DNAH8: variants seen among roughly 807,000 people sequenced by gnomAD.
DNAH8 encodes dynein axonemal heavy chain 8.
In DNAH8, 382 loss-of-function variants were observed where a neutral mutation model predicts 562.1. The observed-to-expected ratio is 0.68, with a 90% CI of 0.63 to 0.74. The LOEUF (loss-of-function observed/expected upper bound fraction) is 0.74. DNAH8 is among the 30% of genes least tolerant of loss of function. DNAH8 has a pLI of 0.00. For synonymous variants in DNAH8, 1,881 were observed against 1,919.4 expected (o/e 0.98, Z 0.52); for missense variants, 5,203 against 5,620.4 (o/e 0.93, Z 2.37).
Position 38,935,695 on chromosome 6 carries a change from A to G in DNAH8, c.11561A>G (p.Lys3854Arg). 2.5e-6 allele frequency: 4 copies of G among 1,597,368 alleles called. No homozygotes were observed. The highest frequency in any genetic ancestry group is 3.4e-6 in the Non-Finnish European group (4 of 1,168,076). Residue 3854 changes from lysine to arginine, a missense_variant and splice_region_variant, in exon 77 of 93, where the codon AAA becomes AGA. Physicochemically the swap from Lys to Arg is conservative, Grantham distance 26 (BLOSUM62 2). Around this residue, in one of 6 missense-constraint regions of DNAH8, gnomAD observed 1,399 missense variants for 1,518.4 expected, o/e 0.92. Coordinates refer to ENST00000327475, the MANE Select transcript of DNAH8 (RefSeq NM_001206927.2). ...CTCCTCTATAAATTAAGTGCTACAA[A>G]AGGTATTGTGTTATTAAGAAGTAAT... ...DNLLYKLSAT[K>R]GSLVDDESLI... is the part of the protein sequence containing the mutation.
At chr6:38,733,005 C>A (rs1161785974) in intron 4 of DNAH8, among the ~76,000 whole-genome samples, 2 of 152,100 alleles carry the variant, frequency 1.3e-5, no homozygotes, top group Non-Finnish European at 1.5e-5. Flanking sequence ...TCTCCTGCCT[C>A]AACCTCCTGA....
intron 61 of DNAH8, among the ~76,000 whole-genome samples, chr6:38,899,302 G>T (rs1779907494): frequency 6.6e-6 from 1 of 152,106 alleles, no homozygotes; most frequent in Non-Finnish European, 1.5e-5. Flanking sequence ...TAGAATTATG[G>T]TACTTAAAAA....
rs1460335829 is a variant in DNAH8, at chr6:38,896,204, A to G, written c.8919A>G (p.Glu2973=). The G allele has an allele frequency of 6.8e-6, 11 of 1,613,742 alleles. No homozygotes were observed. Among genetic ancestry groups the G allele is most frequent in the Non-Finnish European group, 6.8e-6 (8 of 1,179,890 alleles). ...ATGAACCTGAAGACTCTGTGTTTGA[A>G]GTACCCAAAATATATGAATTGGTAT... ...TGDEPEDSVF[E]VPKIYELMPS... is the part of the protein sequence containing the mutation. The change falls in exon 60 of 93, where the codon GAA becomes GAG. Residue 2973 remains glutamate, a synonymous_variant. Coordinates refer to ENST00000327475, the MANE Select transcript of DNAH8 (RefSeq NM_001206927.2).
Position 38,779,948 on chromosome 6 carries a change from A to G in DNAH8, c.2040-18A>G. 1 of 1,605,782 alleles carries G rather than the reference A, an allele frequency of 6.2e-7. No individual in the cohort carries two copies. ...TTTCTCATTTACTTTTTAACCATTC[A>G]GCTTTGATTACTTTTAGGTTTCAGA... is the stretch of plus-strand genomic sequence containing the variant. On this transcript the variant is annotated intron_variant, in intron 14 of 92. Transcript: ENST00000327475.
chr6:39,026,566 CAAG>C lies in DNAH8; in HGVS notation c.13739_13741del (p.Glu4580del), dbSNP rs1767300663. Reference sequence around the variant, plus strand: ...TTAAGGCTTCCTCACAGCAATGAGGCAAGAAGTGACCCGTGCCCACAAAGGCTG... The same window carrying C: ...TTAAGGCTTCCTCACAGCAATGAGGCAAGTGACCCGTGCCCACAAAGGCTG... On this transcript the variant is annotated inframe_deletion, in exon 92 of 93. Transcript: ENST00000327475. The C allele has an allele frequency of 1.2e-6, 2 of 1,612,938 alleles. No homozygotes were observed. The highest frequency in any genetic ancestry group is 1.7e-6 in the Non-Finnish European group (2 of 1,179,748).
chr6:38,738,880 A>G (rs1222123107), intron 7 of DNAH8, among the ~76,000 whole-genome samples: 2 of 152,314 alleles, frequency 1.3e-5, no homozygotes, highest in East Asian at 3.9e-4. Flanking sequence ...TGCCCAGCCA[A>G]GACTTCCTAT....
Position 38,860,797 on chromosome 6 carries a change from A to G in DNAH8, c.6131+168A>G, listed in dbSNP as rs146795017. Among the ~76,000 whole-genome samples the G allele has an allele frequency of 2.8e-3, 426 of 152,360 alleles. 1 individual carries two copies. Among genetic ancestry groups the G allele is most frequent in the African/African-American group, 9.8e-3 (407 of 41,582 alleles). ...AATAACCACTTAAATATACATGTGC[A>G]TTGAATTTTTATGAAGTAGAAAAAG... On this transcript the variant is annotated intron_variant, in intron 43 of 92. Transcript: ENST00000327475.
intron 42 of DNAH8, among the ~76,000 whole-genome samples, chr6:38,860,053 T>C (rs1413257292): frequency 6.6e-6 from 1 of 152,184 alleles, no homozygotes; most frequent in East Asian, 1.9e-4. Flanking sequence ...CATGATCCCT[T>C]TTGTTCCCCG....
In DNAH8 at chr6:38,909,666, A is replaced by T; in HGVS notation, c.9662A>T (p.Glu3221Val). Residue 3221 changes from glutamate to valine, a missense_variant, in exon 65 of 93, where the codon GAA becomes GTA. Around this residue, in one of 6 missense-constraint regions of DNAH8, gnomAD observed 977 missense variants for 1,061.8 expected, o/e 0.92. Transcript: ENST00000327475. ...LSDYNIVCSS[E>V]IKRQVVETMG... ...GACTATAATATTGTCTGCTCTAGTG[A>T]AATTAAAAGACAAGTTGTAGAAACA... 1 of 1,614,128 alleles carries T rather than the reference A, an allele frequency of 6.2e-7. No individual in the cohort carries two copies. The highest frequency in any genetic ancestry group is 8.5e-7 in the Non-Finnish European group (1 of 1,179,990).
chr6:38,724,972 G>A lies in DNAH8; in HGVS notation c.525+1501G>A, dbSNP rs1763085679. Among the ~76,000 whole-genome samples the A allele has an allele frequency of 3.3e-5, 5 of 151,962 alleles. No individual in the cohort carries two copies. In the South Asian group the frequency reaches 1.0e-3, roughly 32 times the overall value. On this transcript the variant is annotated intron_variant, in intron 3 of 92. Coordinates refer to ENST00000327475, the MANE Select transcript of DNAH8 (RefSeq NM_001206927.2). ...AAACATGGGCAAAACTCTTTAGCTTGCTCTAGGAGCCAGGGTTCTATGGAA... is the reference window on the plus strand; with the variant it reads ...AAACATGGGCAAAACTCTTTAGCTTACTCTAGGAGCCAGGGTTCTATGGAA...
intron 1 of DNAH8, among the ~76,000 whole-genome samples, chr6:38,715,930 ATATATATATAT>A (rs1762261936): frequency 4.0e-5 from 1 of 24,906 alleles, no homozygotes; most frequent in African/African-American, 1.9e-4. Context: ...AAATAAATAT[ATATATATATAT>A]ATATATATAT....
At chr6:38,912,558 G>C (rs1181638128) in intron 66 of DNAH8, among the ~76,000 whole-genome samples, 7 of 152,146 alleles carry the variant, frequency 4.6e-5, no homozygotes, top group African/African-American at 1.2e-4. Context: ...GTGAAAGAAG[G>C]CTTCTTCTGC....
At chr6:38,772,830 A>T (rs1451192606) in intron 12 of DNAH8, among the ~76,000 whole-genome samples, 1 of 149,860 alleles carries the variant, frequency 6.7e-6, no homozygotes, top group Admixed American at 6.8e-5. Flanking sequence ...TTATTAAATT[A>T]AAAAAATTGA....
intron 19 of DNAH8, 130 bp downstream of exon 19, chr6:38,790,013 C>CTT: frequency 9.7e-6 from 6 of 619,542 alleles, no homozygotes; most frequent in South Asian, 7.5e-5. Context: ...TTTTATAGCT[C>CTT]TGTTTTTTTT....
At chr6:38,829,843 A>G (rs917579629) in intron 30 of DNAH8, among the ~76,000 whole-genome samples, 3 of 152,326 alleles carry the variant, frequency 2.0e-5, no homozygotes, top group Admixed American at 1.3e-4. Flanking sequence ...TTGCTGTGCA[A>G]CCAATCTCCA....
At chr6:38,740,001 A>G (rs1485148269) in intron 7 of DNAH8, among the ~76,000 whole-genome samples, 1 of 152,174 alleles carries the variant, frequency 6.6e-6, no homozygotes, top group Non-Finnish European at 1.5e-5. Context: ...TTTTTCTAAC[A>G]TATTTGTAAT....
At chr6:38,988,953 G>A (rs1026190311) in intron 87 of DNAH8, among the ~76,000 whole-genome samples, 3 of 152,148 alleles carry the variant, frequency 2.0e-5, no homozygotes, top group East Asian at 1.9e-4. Context: ...TCATCCCTCC[G>A]CTGGGTCACA....
At chr6:38,820,559 A>T (rs1772725979) in intron 26 of DNAH8, among the ~76,000 whole-genome samples, 1 of 152,208 alleles carries the variant, frequency 6.6e-6, no homozygotes, top group Non-Finnish European at 1.5e-5. Flanking sequence ...TTTAAATTTG[A>T]CTTCTTTATA....
rs1773918661 is a variant in DNAH8, at chr6:38,832,413, A to C, written c.4280A>C (p.Asn1427Thr). ...GAAGTTTTTCGTGAGGACGTGATAA[A>C]CTTTGCAGAAGCATATGAATTGGTA... is the stretch of plus-strand genomic sequence containing the variant. ...SVEVFREDVI[N>T]FAEAYELEGP... The change falls in exon 31 of 93, where the codon AAC (asparagine) becomes ACC (threonine). Residue 1427 changes from asparagine (N) to threonine (T), a missense_variant. Physicochemically the swap from Asn to Thr is moderately conservative, Grantham distance 65. Around this residue, in one of 6 missense-constraint regions of DNAH8, gnomAD observed 2,176 missense variants for 2,365.1 expected, o/e 0.92. Transcript: ENST00000327475. The C allele has an allele frequency of 1.2e-6, 2 of 1,608,348 alleles. No homozygotes were observed. The highest frequency in any genetic ancestry group is 2.7e-5 in the African/African-American group (2 of 74,742).
Sources: allele counts gnomAD v4.1 joint callset (sites outside exome capture counted in the v4.1 genomes callset), GRCh38; gene constraint gnomAD v4.1.1; regional missense constraint gnomAD v4.1.1; transcripts MANE v1.5; gene names NCBI Gene and HGNC (gene_info 2026-07-23, HGNC 2026-07-21).